The following SORCS1 variants were observed in gnomAD, a reference collection of about 807,000 sequenced individuals.
SORCS1 encodes the protein VPS10 domain-containing receptor SorCS1.
Under a neutral mutation model 146.1 loss-of-function variants are expected in SORCS1, and 60 were observed. That is an observed-to-expected ratio of 0.41 (90% CI 0.33 to 0.51). The LOEUF is 0.51. Among genes scored for constraint, SORCS1 ranks in the 20% least tolerant of loss-of-function variants. The probability of loss-of-function intolerance (pLI) is 0.21; values close to 1 mark genes in which losing one functional copy is unlikely to be tolerated. For synonymous variants in SORCS1, 637 were observed against 584.0 expected, an observed-to-expected ratio of 1.09 and a Z score of -1.31; for missense variants, 1,352 against 1,487.6, an observed-to-expected ratio of 0.91 and a Z score of 1.50.
At chr10:106,684,233 GAGGCCA>G in intron 10 of SORCS1, among the ~76,000 whole-genome samples, 1 of 152,140 alleles carries the variant, frequency 6.6e-6, no homozygotes, top group Non-Finnish European at 1.5e-5. Flanking sequence ...ATCTACTCGG[GAGGCCA>G]AGGCAGGAGA....
At chr10:106,908,296 T>C (rs1277824893) in intron 2 of SORCS1, among the ~76,000 whole-genome samples, 2 of 152,214 alleles carry the variant, frequency 1.3e-5, no homozygotes, top group African/African-American at 4.8e-5. Flanking sequence ...AACTGGCATA[T>C]GTCTTAAATA....
chr10:106,764,132 A>T (rs1344079485), intron 4 of SORCS1, among the ~76,000 whole-genome samples: 1 of 152,232 alleles, frequency 6.6e-6, no homozygotes. Context: ...TAAAACACAC[A>T]TCCACAAAAC....
chr10:106,644,996 C>T (rs78869565), intron 18 of SORCS1, among the ~76,000 whole-genome samples: 5,215 of 152,100 alleles, frequency 0.034, 142 homozygotes, highest in South Asian at 0.069. Flanking sequence ...AAAGTGGAAA[C>T]GCTGGGACAT....
At chr10:106,645,413 G>C (rs536007143) in intron 18 of SORCS1, among the ~76,000 whole-genome samples, 21 of 152,192 alleles carry the variant, frequency 1.4e-4, no homozygotes, top group Non-Finnish European at 2.9e-4. Flanking sequence ...GGCTGGTCTT[G>C]AACTCCTGAC....
the SORCS1 span, among the ~76,000 whole-genome samples, chr10:107,170,016 A>C: frequency 6.6e-6 from 1 of 152,182 alleles, no homozygotes; most frequent in African/African-American, 2.4e-5. Context: ...TTCATACTTA[A>C]AGTGAAATAG....
intron 14 of SORCS1, among the ~76,000 whole-genome samples, chr10:106,674,328 CAAAAAAAAAAAAAAAA>C (rs10658432): frequency 7.3e-5 from 2 of 27,374 alleles, no homozygotes; most frequent in South Asian, 2.7e-3. Context: ...GACTCCGTCT[CAAAAAAAAAAAAAAAA>C]AAAAAAAAAA....
intron 10 of SORCS1, among the ~76,000 whole-genome samples, chr10:106,681,635 G>C (rs1020580464): frequency 6.6e-6 from 1 of 152,156 alleles, no homozygotes; most frequent in Non-Finnish European, 1.5e-5. Flanking sequence ...CCAAGAAGTA[G>C]ACTACTGCTT....
intron 1 of SORCS1, among the ~76,000 whole-genome samples, chr10:107,062,542 A>T (rs1294222454): frequency 6.6e-6 from 1 of 152,170 alleles, no homozygotes; most frequent in Non-Finnish European, 1.5e-5. Context: ...AGAACTCTTG[A>T]TCACCCATCT....
chr10:106,715,305 T>C (rs141845611), intron 6 of SORCS1, among the ~76,000 whole-genome samples: 1 of 152,374 alleles, frequency 6.6e-6, no homozygotes, highest in African/African-American at 2.4e-5. Flanking sequence ...ACACAGATGT[T>C]TTCCTTGCCA....
intron 1 of SORCS1, among the ~76,000 whole-genome samples, chr10:107,125,244 C>A (rs924751138): frequency 6.6e-6 from 1 of 150,540 alleles, no homozygotes; most frequent in African/African-American, 2.4e-5. Context: ...AGCCACCATG[C>A]CTGGCCCCGC....
chr10:106,871,716 G>A (rs936267009), intron 2 of SORCS1, among the ~76,000 whole-genome samples: 1 of 152,146 alleles, frequency 6.6e-6, no homozygotes, highest in Non-Finnish European at 1.5e-5. Context: ...ACCAACAAGG[G>A]AATAATAGAT....
the SORCS1 span, among the ~76,000 whole-genome samples, chr10:107,180,432 T>C: frequency 1.3e-5 from 2 of 152,216 alleles, no homozygotes; most frequent in African/African-American, 2.4e-5. Context: ...GTATTTTGAA[T>C]AGATATTCAA....
chr10:106,750,703 T>C (rs1178366935), intron 5 of SORCS1, among the ~76,000 whole-genome samples: 2 of 106,462 alleles, frequency 1.9e-5, no homozygotes, highest in African/African-American at 7.5e-5. Flanking sequence ...CACTCCAGAC[T>C]GGGCGACAGG....
intron 2 of SORCS1, among the ~76,000 whole-genome samples, chr10:106,911,360 A>AG (rs763590000): frequency 2.0e-5 from 3 of 152,202 alleles, no homozygotes; most frequent in Non-Finnish European, 4.4e-5. Flanking sequence ...CTGTAGTAGC[A>AG]GGGGGGTCAC....
intron 6 of SORCS1, among the ~76,000 whole-genome samples, chr10:106,729,810 T>C (rs1856464692): frequency 6.6e-6 from 1 of 152,098 alleles, no homozygotes; most frequent in South Asian, 2.1e-4. Context: ...AATCACACGA[T>C]TATTGCCACT....
At position 107,164,361 on chromosome 10, in the gene SORCS1, A is replaced by G. The variant is rs760512606; in HGVS notation, c.166T>C (p.Phe56Leu). ...CTGCCTGGCCGCCCCTGGTGGGAAA[A>G]GCCCCTAGGGGTCGAGGCCGAGCGT... ...APRSASTPRGFSHQGRPGRAP... is the reference protein window; with the variant it reads ...APRSASTPRGLSHQGRPGRAP... Residue 56 changes from phenylalanine to leucine, a missense_variant, in exon 1 of 26, where the codon TTT (phenylalanine) becomes CTT (leucine). By Grantham distance (22) the Phe-to-Leu change is conservative. Around this residue, in one of 3 missense-constraint regions of SORCS1, gnomAD observed 490 missense variants for 489.1 expected, o/e 1.00. Transcript: ENST00000263054. The surrounding 1 kb of genome is among the most constrained non-coding windows in gnomAD (Gnocchi z 6.8). 6.6e-7 allele frequency: 1 copy of G among 1,510,166 alleles called. No homozygotes were observed. Among genetic ancestry groups the G allele is most frequent in the Non-Finnish European group, 8.8e-7 (1 of 1,131,850 alleles). The allele number at this position is 1,510,166 out of a possible 1,614,324, so 93.5% of individuals were successfully genotyped here.
At chr10:107,004,849 T>G (rs1394628981) in intron 1 of SORCS1, among the ~76,000 whole-genome samples, 1 of 152,086 alleles carries the variant, frequency 6.6e-6, no homozygotes, top group Non-Finnish European at 1.5e-5. Flanking sequence ...ATAAATATGC[T>G]GGTATGTGTG....
At chr10:107,094,704 C>A (rs1177347576) in intron 1 of SORCS1, among the ~76,000 whole-genome samples, 1 of 152,076 alleles carries the variant, frequency 6.6e-6, no homozygotes, top group African/African-American at 2.4e-5. Flanking sequence ...TTGGTAATAT[C>A]AGAGAGGACA....
At chr10:106,963,675 G>C (rs1349482151) in intron 1 of SORCS1, among the ~76,000 whole-genome samples, 2 of 151,786 alleles carry the variant, frequency 1.3e-5, no homozygotes, top group Non-Finnish European at 2.9e-5. Context: ...AATCCTGGGG[G>C]GGGGCCATAC....
Sources: allele counts gnomAD v4.1 joint callset (sites outside exome capture counted in the v4.1 genomes callset), GRCh38; gene constraint gnomAD v4.1.1; regional missense constraint gnomAD v4.1.1; non-coding constraint Gnocchi (gnomAD v3.1); transcripts MANE v1.5; gene names NCBI Gene and HGNC (gene_info 2026-07-23, HGNC 2026-07-21).